The following MMP16 variants were observed in gnomAD, a reference collection of about 807,000 sequenced individuals.
MMP16 encodes matrix metallopeptidase 16, also known as matrix metalloproteinase-16.
Under a neutral mutation model 67.8 loss-of-function variants are expected in MMP16, and 12 were observed. The ratio of observed to expected loss-of-function variants is 0.18; its 90% CI spans 0.11 to 0.29. The LOEUF (loss-of-function observed/expected upper bound fraction) is 0.29, where lower values mean the gene tolerates loss of function less well. Among genes scored for constraint, MMP16 ranks in the 10% least tolerant of loss-of-function variants. The probability of loss-of-function intolerance (pLI) is 1.00; values close to 1 mark genes in which losing one functional copy is unlikely to be tolerated. For synonymous variants in MMP16, 249 were observed against 255.9 expected, an observed-to-expected ratio of 0.97 and a Z score of 0.26; for missense variants, 475 against 765.7, an observed-to-expected ratio of 0.62 and a Z score of 4.48.
chr8:88,055,905 A>G (rs886806364), intron 8 of MMP16, among the ~76,000 whole-genome samples: 1 of 152,248 alleles, frequency 6.6e-6, no homozygotes, highest in Non-Finnish European at 1.5e-5. Flanking sequence ...AAAAAAACAT[A>G]TGCTAGGTAT....
chr8:88,094,785 G>T (rs1271179405), intron 6 of MMP16, among the ~76,000 whole-genome samples: 2 of 151,532 alleles, frequency 1.3e-5, no homozygotes, highest in Non-Finnish European at 1.5e-5. Flanking sequence ...TTCTTTCCAG[G>T]TCTCATGAAA....
At chr8:88,088,345 A>G (rs925580771) in intron 6 of MMP16, among the ~76,000 whole-genome samples, 2 of 151,878 alleles carry the variant, frequency 1.3e-5, no homozygotes, top group African/African-American at 2.4e-5. Context: ...GTGGGAGGGA[A>G]GCAGGCAGGG....
At chr8:88,112,595 A>G (rs1809354847) in intron 6 of MMP16, among the ~76,000 whole-genome samples, 1 of 151,118 alleles carries the variant, frequency 6.6e-6, no homozygotes, top group African/African-American at 2.4e-5. Flanking sequence ...ATTTCCTTGG[A>G]TTAGGTGGTT....
intron 4 of MMP16, among the ~76,000 whole-genome samples, chr8:88,154,812 A>G (rs113233767): frequency 6.6e-6 from 1 of 150,562 alleles, no homozygotes; most frequent in African/African-American, 2.4e-5. Context: ...GCACATGTAT[A>G]CATATGTAAC....
intron 6 of MMP16, among the ~76,000 whole-genome samples, chr8:88,099,140 G>A (rs754839493): frequency 4.0e-5 from 6 of 151,280 alleles, no homozygotes; most frequent in Admixed American, 1.3e-4. Flanking sequence ...TTCTATGTAC[G>A]TTCTAAAAAG....
chr8:88,148,306 G>C (rs1367550418), intron 4 of MMP16, among the ~76,000 whole-genome samples: 1 of 152,052 alleles, frequency 6.6e-6, no homozygotes, highest in African/African-American at 2.4e-5. Flanking sequence ...CATAAATTCA[G>C]TATCTGAAAT....
chr8:88,219,838 T>C (rs189233161), intron 1 of MMP16, among the ~76,000 whole-genome samples: 62 of 152,256 alleles, frequency 4.1e-4, no homozygotes, highest in African/African-American at 1.3e-3. Flanking sequence ...AGCTTTGAAT[T>C]TTTGAGTTGA....
chr8:88,078,489 C>T (rs940530876), intron 6 of MMP16, among the ~76,000 whole-genome samples: 6 of 152,096 alleles, frequency 3.9e-5, no homozygotes, highest in African/African-American at 1.2e-4. Flanking sequence ...ATGGAAAAGG[C>T]CTACTGTCTG....
chr8:88,180,663 G>GCATGAGGC (rs1808965364), intron 3 of MMP16, among the ~76,000 whole-genome samples: 1 of 151,798 alleles, frequency 6.6e-6, no homozygotes, highest in Non-Finnish European at 1.5e-5. Context: ...AAAAAAAAAT[G>GCATGAGGC]CATGAGGCAC....
intron 3 of MMP16, among the ~76,000 whole-genome samples, chr8:88,180,899 A>G (rs1808968995): frequency 6.6e-6 from 1 of 152,176 alleles, no homozygotes; most frequent in East Asian, 1.9e-4. Context: ...AAAATCTATT[A>G]ATGTAATATT....
At chr8:88,144,007 C>T (rs1451236248) in intron 4 of MMP16, among the ~76,000 whole-genome samples, 1 of 151,846 alleles carries the variant, frequency 6.6e-6, no homozygotes, top group Non-Finnish European at 1.5e-5. Context: ...TAATCCCTGT[C>T]ATCTGGCTAA....
chr8:88,180,660 A>C (rs1052046741), intron 3 of MMP16, among the ~76,000 whole-genome samples: 1 of 152,246 alleles, frequency 6.6e-6, no homozygotes, highest in East Asian at 1.9e-4. Flanking sequence ...TGCAAAAAAA[A>C]ATGCATGAGG....
At chr8:88,208,818 C>CAAAAAAAAAAAAAAAAAAAAAAAAA (rs59898929) in intron 1 of MMP16, among the ~76,000 whole-genome samples, 1 of 130,662 alleles carries the variant, frequency 7.7e-6, no homozygotes, top group African/African-American at 2.8e-5. Flanking sequence ...GTAGATATGG[C>CAAAAAAAAAAAAAAAAAAAAAAAAA]AAAAAAAAAA....
chr8:88,139,611 TC>T (rs1254840898), intron 4 of MMP16, among the ~76,000 whole-genome samples: 1 of 152,122 alleles, frequency 6.6e-6, no homozygotes, highest in African/African-American at 2.4e-5. Flanking sequence ...TTTTTTACCC[TC>T]TTCTTTATTT....
At chr8:88,126,414 C>T (rs539512048) in intron 4 of MMP16, among the ~76,000 whole-genome samples, 18 of 151,848 alleles carry the variant, frequency 1.2e-4, no homozygotes, top group African/African-American at 4.3e-4. Flanking sequence ...TTATTTTTGC[C>T]CTACTTAAGT....
chr8:88,158,068 T>A (rs1308264367), intron 4 of MMP16, among the ~76,000 whole-genome samples: 1 of 152,148 alleles, frequency 6.6e-6, no homozygotes, highest in Non-Finnish European at 1.5e-5. Context: ...ATCCAGTCTA[T>A]CATTGTTGGA....
rs1235102365 is a variant in MMP16, at chr8:88,038,735, C to CT, written c.*2725dup. Reference sequence around the variant, plus strand: ...AGTCCTCCATGCTTAGCAGCAGTGACTAACTCTTTATAATATCAGCATCAT... The same window carrying CT: ...AGTCCTCCATGCTTAGCAGCAGTGACTTAACTCTTTATAATATCAGCATCAT... On this transcript the variant is annotated 3_prime_UTR_variant, in exon 10 of 10. Coordinates refer to ENST00000286614, the MANE Select transcript of MMP16 (RefSeq NM_005941.5). This position sits in a 1 kb window ranked among gnomAD's most constrained non-coding sequence, Gnocchi z 4.1. 1.3e-5 allele frequency: 2 copies of CT among 152,552 alleles called. No individual in the cohort carries two copies. Among genetic ancestry groups the CT allele is most frequent in the Non-Finnish European group, 2.9e-5 (2 of 68,000 alleles). The allele number at this position is 152,552 out of a possible 1,614,324, so 9.4% of individuals were successfully genotyped here. A position where few individuals can be genotyped will look rare whatever the true frequency, so the allele number is the denominator to read the frequency against.
chr8:88,159,665 T>C (rs1026182316), intron 4 of MMP16, among the ~76,000 whole-genome samples: 11 of 152,144 alleles, frequency 7.2e-5, no homozygotes, highest in Non-Finnish European at 1.5e-4. Context: ...CTTCCAACAC[T>C]ATGTTGAATA....
At chr8:88,164,854 C>T (rs931541020) in intron 4 of MMP16, among the ~76,000 whole-genome samples, 2 of 151,690 alleles carry the variant, frequency 1.3e-5, no homozygotes, top group African/African-American at 2.4e-5. Flanking sequence ...AGTGCATTGA[C>T]GTGATTGTCC....
Sources: gnomAD v4.1 joint callset for allele counts (sites outside exome capture counted in the v4.1 genomes callset) on GRCh38, gnomAD v4.1.1 for gene constraint, Gnocchi (gnomAD v3.1) non-coding constraint, MANE v1.5 for transcripts, NCBI Gene and HGNC (gene_info 2026-07-23, HGNC 2026-07-21) for gene names.